Variants in ERI3 observed in about 807,000 individuals in gnomAD.
ERI3 encodes the protein ERI1 exoribonuclease 3.
A neutral mutation model predicts 44.4 loss-of-function variants in ERI3; 18 were observed. The ratio of observed to expected loss-of-function variants is 0.41; its 90% CI spans 0.28 to 0.60. The LOEUF is 0.60. Ranked by LOEUF, ERI3 falls within the 20% of genes least tolerant of loss-of-function variation. The pLI is 0.36. For synonymous variants in ERI3, 183 were observed against 164.8 expected (o/e 1.11, Z -0.84); for missense variants, 294 against 435.5 (o/e 0.68, Z 2.89).
At chr1:44,334,320 A>G (rs1646490722) in intron 3 of ERI3, among the ~76,000 whole-genome samples, 1 of 152,222 alleles carries the variant, frequency 6.6e-6, no homozygotes, top group African/African-American at 2.4e-5. Context: ...AAAGATGCAC[A>G]ATTAAAGATC....
At chr1:44,330,643 T>C (rs1189053188) in intron 3 of ERI3, among the ~76,000 whole-genome samples, 2 of 152,198 alleles carry the variant, frequency 1.3e-5, no homozygotes, top group African/African-American at 4.8e-5. Flanking sequence ...CAGCCTTTGC[T>C]GGGGGTGGGG....
chr1:44,223,433 G>A (rs776743311), intron 8 of ERI3, among the ~76,000 whole-genome samples: 10 of 152,154 alleles, frequency 6.6e-5, no homozygotes, highest in Admixed American at 2.0e-4. Context: ...AGTGCCAACA[G>A]AGAGACTATG....
At chr1:44,350,129 T>C (rs1646859755) in intron 2 of ERI3, among the ~76,000 whole-genome samples, 1 of 152,100 alleles carries the variant, frequency 6.6e-6, no homozygotes, top group Non-Finnish European at 1.5e-5. Flanking sequence ...CTTAGGAAAA[T>C]GGGTCATCCT....
At chr1:44,262,028 C>A (rs773084635) in intron 7 of ERI3, among the ~76,000 whole-genome samples, 1 of 152,200 alleles carries the variant, frequency 6.6e-6, no homozygotes, top group Non-Finnish European at 1.5e-5. Context: ...TCACATCTTT[C>A]CAACCTTAGG....
At chr1:44,263,214 G>A (rs188735369) in intron 7 of ERI3, among the ~76,000 whole-genome samples, 91 of 152,330 alleles carry the variant, frequency 6.0e-4, no homozygotes, top group African/African-American at 2.2e-3. Context: ...GGAAAAGGGA[G>A]GGGGAAGAAT....
intron 7 of ERI3, among the ~76,000 whole-genome samples, chr1:44,248,795 C>A (rs912165570): frequency 6.6e-6 from 1 of 151,848 alleles, no homozygotes; most frequent in Admixed American, 6.6e-5. Context: ...GGCCACCCAT[C>A]GATCTGTACT....
intron 6 of ERI3, among the ~76,000 whole-genome samples, chr1:44,300,467 C>G (rs1485472881): frequency 6.6e-6 from 1 of 152,166 alleles, no homozygotes; most frequent in African/African-American, 2.4e-5. Flanking sequence ...CTCCCAGTCC[C>G]CATTGAGGCA....
At chr1:44,316,123 C>T (rs954543903) in intron 4 of ERI3, among the ~76,000 whole-genome samples, 1 of 152,084 alleles carries the variant, frequency 6.6e-6, no homozygotes, top group Non-Finnish European at 1.5e-5. Context: ...CTATCTTAGG[C>T]CTAACTTAAA....
Position 44,298,605 on chromosome 1 carries a change from TTA to T in ERI3, c.758+9703_758+9704del, listed in dbSNP as rs531387611. On this transcript the variant is annotated intron_variant, in intron 6 of 8. Transcript: ENST00000372257. ...ACAATGCACAGGAATCTCCTATACA[TTA>T]TGTTATGCAAAAGAAGTCAGACACA... Among the ~76,000 whole-genome samples, 15 of 152,290 alleles carry T rather than the reference TTA, an allele frequency of 9.8e-5. No individual in the cohort carries two copies. In the South Asian group the frequency reaches 2.7e-3, roughly 27 times the overall value.
chr1:44,268,087 A>C (rs1435934779), intron 7 of ERI3, among the ~76,000 whole-genome samples: 1 of 152,176 alleles, frequency 6.6e-6, no homozygotes, highest in Non-Finnish European at 1.5e-5. Context: ...ATTCAAAATA[A>C]TTTTTAACAC....
rs1483440216 is a variant in ERI3 at position 44,221,692 on chromosome 1, C to G, written c.932-52G>C. On this transcript the variant is annotated intron_variant, in intron 8 of 8. Coordinates refer to ENST00000372257, the MANE Select transcript of ERI3 (RefSeq NM_024066.3). The surrounding 1 kb of genome is among the most constrained non-coding windows in gnomAD (Gnocchi z 5.9). The stretch of plus-strand genomic sequence containing the variant: ...CAGCCCCAGATCCTTCCCCTCCATG[C>G]CCACAGGTGCTCTTACAAGGGTGGG... The G allele has an allele frequency of 6.9e-7, 1 of 1,458,854 alleles. No individual in the cohort carries two copies. The highest frequency in any genetic ancestry group is 1.1e-5 in the South Asian group (1 of 87,612). The allele number at this position is 1,458,854 out of a possible 1,614,324, so 90.4% of individuals were successfully genotyped here.
At chr1:44,323,682 T>C (rs1359161474) in intron 3 of ERI3, among the ~76,000 whole-genome samples, 1 of 152,258 alleles carries the variant, frequency 6.6e-6, no homozygotes. Context: ...TGGCAGATAC[T>C]GTGCTAATAG....
chr1:44,355,279 G>T, upstream of ERI3: 2 of 1,133,346 alleles, frequency 1.8e-6, no homozygotes, highest in Non-Finnish European at 2.2e-6. Flanking sequence ...CTCTGACCCC[G>T]ACCGACGCGG....
At chr1:44,301,498 A>G (rs1042210137) in intron 6 of ERI3, among the ~76,000 whole-genome samples, 3 of 152,174 alleles carry the variant, frequency 2.0e-5, no homozygotes, top group Non-Finnish European at 2.9e-5. Context: ...CCATGACATA[A>G]TTTGCCCCTG....
intron 7 of ERI3, among the ~76,000 whole-genome samples, chr1:44,254,459 C>T (rs1342856590): frequency 1.3e-5 from 2 of 152,122 alleles, no homozygotes; most frequent in Non-Finnish European, 2.9e-5. Flanking sequence ...TAAGCCTGAA[C>T]CCTTGAATCT....
intron 2 of ERI3, among the ~76,000 whole-genome samples, chr1:44,340,149 C>CAAAA (rs35880098): frequency 2.5e-5 from 3 of 121,100 alleles, no homozygotes; most frequent in Admixed American, 8.3e-5. Context: ...TGAACATGTG[C>CAAAA]AAAAAAAAAA....
intron 3 of ERI3, among the ~76,000 whole-genome samples, chr1:44,319,959 T>A (rs1370161578): frequency 2.6e-5 from 4 of 152,176 alleles, no homozygotes; most frequent in Non-Finnish European, 5.9e-5. Flanking sequence ...TTCCAGGGAC[T>A]GAACACAGCC....
In ERI3 at chr1:44,238,287, GGA is replaced by G. The variant is rs557270770; in HGVS notation, c.931+9650_931+9651del. On this transcript the variant is annotated intron_variant, in intron 8 of 8. Transcript: ENST00000372257. ...AATGAGGATGTTGTGGGGGAGACAG[GGA>G]GAGACCAATGAGGCAGCCGCGGGGC... Among the ~76,000 whole-genome samples the G allele has an allele frequency of 1.3e-4, 20 of 152,122 alleles. No homozygotes were observed. The East Asian group carries it at 3.3e-3, about 25-fold the overall frequency.
At chr1:44,351,036 C>CT (rs768508491) in intron 2 of ERI3, among the ~76,000 whole-genome samples, 302 of 144,000 alleles carry the variant, frequency 2.1e-3, no homozygotes, top group African/African-American at 3.1e-3. Flanking sequence ...TCAGAGCAAA[C>CT]TTTTTTTTTT....
Sources: gnomAD v4.1 joint callset for allele counts (sites outside exome capture counted in the v4.1 genomes callset) on GRCh38, gnomAD v4.1.1 for gene constraint, Gnocchi (gnomAD v3.1) non-coding constraint, MANE v1.5 for transcripts, NCBI Gene and HGNC (gene_info 2026-07-23, HGNC 2026-07-21) for gene names.